Variants in DAPK2 observed in about 807,000 individuals in gnomAD.
The protein encoded by DAPK2 is death-associated protein kinase 2.
A neutral mutation model predicts 44.1 loss-of-function variants in DAPK2; 35 were observed. The ratio of observed to expected loss-of-function variants is 0.79; its 90% CI spans 0.61 to 1.05. The LOEUF is 1.05. Among genes scored for constraint, DAPK2 ranks in the 50% least tolerant of loss-of-function variants. DAPK2 has a pLI of 0.00. For missense variants in DAPK2, 453 were observed against 483.2 expected (o/e 0.94, Z 0.59); for synonymous variants, 174 against 182.6 (o/e 0.95, Z 0.38).
chr15:64,040,110 C>T, intron 1 of DAPK2, 60 bp downstream of exon 2: 3 of 1,358,346 alleles, frequency 2.2e-6, no homozygotes, highest in Non-Finnish European at 2.1e-6. Context: ...GACAACTGTG[C>T]CAGAAGAAGC....
intron 2 of DAPK2, among the ~76,000 whole-genome samples, chr15:63,982,614 C>T (rs894859758): frequency 6.6e-6 from 1 of 152,182 alleles, no homozygotes; most frequent in Non-Finnish European, 1.5e-5. Context: ...CGTGGCTAGC[C>T]AAACCCTAGA....
Position 63,908,459 on chromosome 15 carries a change from T to C in DAPK2, c.*61A>G. ...TGGTGCTGAGCTGGGTCCAAAAGTC[T>C]GCACAGAAGGGAGCCCCGCTGGGCC... On this transcript the variant is annotated 3_prime_UTR_variant, in exon 11 of 11. Transcript: ENST00000261891. The surrounding 1 kb of genome is among the most constrained non-coding windows in gnomAD (Gnocchi z 5.7). The C allele has an allele frequency of 2.5e-6, 3 of 1,208,872 alleles. No individual in the cohort carries two copies. Among genetic ancestry groups the C allele is most frequent in the Admixed American group, 2.7e-5 (1 of 37,346 alleles). The allele number at this position is 1,208,872 out of a possible 1,614,324, so 74.9% of individuals were successfully genotyped here.
intron 3 of DAPK2, 31 bp downstream of exon 4, chr15:63,971,392 T>G (rs759237866): frequency 6.2e-7 from 1 of 1,612,974 alleles, no homozygotes; most frequent in Middle Eastern, 1.7e-4. Flanking sequence ...CTTCCTAAAC[T>G]TGATTCTTTT....
chr15:63,933,596 ATTT>A (rs57997935), intron 4 of DAPK2, among the ~76,000 whole-genome samples: 46 of 118,136 alleles, frequency 3.9e-4, no homozygotes, highest in African/African-American at 5.6e-4. Flanking sequence ...GGACAGATTG[ATTT>A]TTTTTTTTTT....
At chr15:63,940,585 G>T (rs144796120) in intron 3 of DAPK2, among the ~76,000 whole-genome samples, 1 of 152,034 alleles carries the variant, frequency 6.6e-6, no homozygotes, top group African/African-American at 2.4e-5. Flanking sequence ...GGTGGCGCAC[G>T]CCTGTAGTCC....
At chr15:63,946,821 G>T (rs1275834555) in intron 3 of DAPK2, among the ~76,000 whole-genome samples, 2 of 152,198 alleles carry the variant, frequency 1.3e-5, no homozygotes, top group African/African-American at 4.8e-5. Flanking sequence ...GTGGGGACAA[G>T]GAAGCTGCCT....
chr15:63,945,191 CT>C (rs2077417472), intron 3 of DAPK2, among the ~76,000 whole-genome samples: 1 of 152,140 alleles, frequency 6.6e-6, no homozygotes, highest in African/African-American at 2.4e-5. Flanking sequence ...TCTCCCTGAG[CT>C]TCCCCCAACC....
At chr15:63,982,483 A>C (rs923521985) in intron 2 of DAPK2, among the ~76,000 whole-genome samples, 3 of 152,024 alleles carry the variant, frequency 2.0e-5, no homozygotes, top group Non-Finnish European at 4.4e-5. Context: ...CCACTGCACC[A>C]GGCCAGAACA....
At chr15:63,921,473 A>G (rs1276187651) in intron 8 of DAPK2, 1 of 152,214 alleles carries the variant, frequency 6.6e-6, no homozygotes, top group Admixed American at 6.5e-5. Flanking sequence ...GCCCCTACCC[A>G]CAAGCTTCTA....
intron 3 of DAPK2, among the ~76,000 whole-genome samples, chr15:63,940,317 A>G (rs1276737174): frequency 1.3e-5 from 2 of 152,298 alleles, no homozygotes; most frequent in Middle Eastern, 3.4e-3. Flanking sequence ...ACAGTGAATG[A>G]ATGGATAAAC....
intron 1 of DAPK2, among the ~76,000 whole-genome samples, chr15:64,021,167 C>A (rs79473980): frequency 2.9e-4 from 44 of 152,312 alleles, no homozygotes; most frequent in African/African-American, 1.0e-3. Flanking sequence ...GGCATCTTCT[C>A]CTGGAAGTAG....
At chr15:63,991,600 G>A (rs13329236) in intron 1 of DAPK2, among the ~76,000 whole-genome samples, 29,556 of 151,906 alleles carry the variant, frequency 0.19, 2,918 homozygotes, top group South Asian at 0.24. Context: ...CCCACTGACC[G>A]CCCCCACCCA....
At chr15:64,024,180 G>A (rs1474154862) in intron 1 of DAPK2, among the ~76,000 whole-genome samples, 2 of 152,144 alleles carry the variant, frequency 1.3e-5, no homozygotes, top group Non-Finnish European at 2.9e-5. Context: ...TCAACCCCAA[G>A]CCTTAGGTGA....
intron 1 of DAPK2, among the ~76,000 whole-genome samples, chr15:64,012,132 A>G (rs2079404891): frequency 6.6e-6 from 1 of 152,232 alleles, no homozygotes; most frequent in Admixed American, 6.5e-5. Context: ...GCAAACATAC[A>G]TTACTGACTG....
intron 1 of DAPK2, among the ~76,000 whole-genome samples, chr15:64,029,238 A>T (rs1346264950): frequency 2.6e-5 from 4 of 151,874 alleles, no homozygotes; most frequent in South Asian, 2.1e-4. Flanking sequence ...TTCTAACTCA[A>T]GCGTGTGCAA....
At chr15:63,952,306 G>A (rs1011241604) in intron 3 of DAPK2, among the ~76,000 whole-genome samples, 6 of 152,194 alleles carry the variant, frequency 3.9e-5, no homozygotes, top group African/African-American at 1.4e-4. Flanking sequence ...TCTTAGTTAC[G>A]CTTTTCAGAG....
intron 4 of DAPK2, among the ~76,000 whole-genome samples, chr15:63,938,768 T>G (rs1433084486): frequency 6.6e-6 from 1 of 152,204 alleles, no homozygotes; most frequent in East Asian, 1.9e-4. Flanking sequence ...GGCACCCCCA[T>G]GCATGAATAA....
intron 3 of DAPK2, among the ~76,000 whole-genome samples, chr15:63,970,545 T>C (rs1473704708): frequency 6.6e-6 from 1 of 152,078 alleles, no homozygotes; most frequent in Admixed American, 6.5e-5. Context: ...TTCTATCTCC[T>C]ACACTAAGGT....
chr15:63,982,538 A>G (rs2078551070), intron 2 of DAPK2, among the ~76,000 whole-genome samples: 1 of 152,122 alleles, frequency 6.6e-6, no homozygotes, highest in Non-Finnish European at 1.5e-5. Flanking sequence ...AGCCACTGTA[A>G]CTTGTCCACA....
Sources: allele counts gnomAD v4.1 joint callset (sites outside exome capture counted in the v4.1 genomes callset), GRCh38; gene constraint gnomAD v4.1.1; non-coding constraint Gnocchi (gnomAD v3.1); transcripts MANE v1.5; gene names NCBI Gene and HGNC (gene_info 2026-07-23, HGNC 2026-07-21).